The following HECTD4 variants were observed in gnomAD, a reference collection of about 807,000 sequenced individuals.
The protein encoded by HECTD4 is probable E3 ubiquitin-protein ligase HECTD4.
In HECTD4, 114 loss-of-function variants were observed where a neutral mutation model predicts 471.5. That is an observed-to-expected ratio of 0.24 (90% CI 0.21 to 0.28). HECTD4 has a LOEUF of 0.28. HECTD4 is among the 10% of genes least tolerant of loss of function. The pLI is 1.00. For missense variants in HECTD4, 3,866 were observed against 5,651.5 expected (o/e 0.68, Z 10.13); for synonymous variants, 2,012 against 2,256.0 (o/e 0.89, Z 3.07).
At chr12:112,320,391 G>A (rs2035560399) in intron 1 of HECTD4, among the ~76,000 whole-genome samples, 1 of 150,640 alleles carries the variant, frequency 6.6e-6, no homozygotes, top group Admixed American at 6.6e-5. Flanking sequence ...TTTAGTAAAT[G>A]ATCTTGAGTT....
At chr12:112,370,062 G>A (rs80156114) in intron 1 of HECTD4, among the ~76,000 whole-genome samples, 1 of 152,244 alleles carries the variant, frequency 6.6e-6, no homozygotes, top group African/African-American at 2.4e-5. Context: ...TATCTGGGTG[G>A]GCCCTAAATG....
At chr12:112,266,031 A>G in intron 14 of HECTD4, 48 bp from the exon 15 acceptor site, 1 of 1,281,646 alleles carries the variant, frequency 7.8e-7, no homozygotes, top group Non-Finnish European at 1.1e-6. Flanking sequence ...TGACTCCTAG[A>G]ATACTGATGC....
At chr12:112,220,758 C>T (rs1297075062) in intron 44 of HECTD4, among the ~76,000 whole-genome samples, 5 of 152,082 alleles carry the variant, frequency 3.3e-5, no homozygotes, top group Admixed American at 2.0e-4. Flanking sequence ...CATCATGCCA[C>T]TGCATTCCAG....
chr12:112,313,082 G>A lies in HECTD4; in HGVS notation c.851C>T (p.Ser284Leu). ...SCLLGGKHIVSWGYEDMLPAP... is the reference protein window; with the variant it reads ...SCLLGGKHIVLWGYEDMLPAP... Reference sequence around the variant, plus strand: ...AGGCAACATGTCTTCATAACCCCATGATACTATGTGTTTGCCCCCAAGCAA... The same window carrying A: ...AGGCAACATGTCTTCATAACCCCATAATACTATGTGTTTGCCCCCAAGCAA... Residue 284 changes from serine (S) to leucine (L), a missense_variant, in exon 4 of 76, where the codon TCA becomes TTA. Ser to Leu is a moderately radical substitution (Grantham distance 145). Transcript: ENST00000682272. 6.5e-7 allele frequency: 1 copy of A among 1,535,752 alleles called. No homozygotes were observed. The highest frequency in any genetic ancestry group is 8.7e-7 in the Non-Finnish European group (1 of 1,146,690).
intron 14 of HECTD4, 22 bp from the exon 15 acceptor site, chr12:112,266,005 T>A (rs765886096): frequency 6.6e-7 from 1 of 1,525,274 alleles, no homozygotes; most frequent in Non-Finnish European, 9.1e-7. Flanking sequence ...GAAAGCTCCA[T>A]CAACTACCCT....
chr12:112,282,013 A>G (rs2034652985), intron 8 of HECTD4, among the ~76,000 whole-genome samples: 1 of 152,124 alleles, frequency 6.6e-6, no homozygotes, highest in Admixed American at 6.5e-5. Context: ...ATATAAAATG[A>G]TATCTAAAAC....
chr12:112,324,041 C>T (rs71442747), intron 1 of HECTD4, among the ~76,000 whole-genome samples: 4,304 of 16,878 alleles, frequency 0.26, 1,108 homozygotes, highest in East Asian at 0.83. Flanking sequence ...TTCCTTCCTT[C>T]CTTCCTTTCT....
rs1378100294 is a variant in HECTD4 at position 112,198,230 on chromosome 12, C to A, written c.8567+2408G>T. 2.6e-5 allele frequency among the ~76,000 whole-genome samples: 4 copies of A among 152,288 alleles called. No homozygotes were observed. The South Asian group carries it at 8.3e-4, about 32-fold the overall frequency. On this transcript the variant is annotated intron_variant, in intron 55 of 75. Transcript: ENST00000682272. ...AATACTGTAGTTTCCTGACAAAGAG[C>A]GCATGGACAGTCACCTTAGATGGTG...
chr12:112,334,637 CAAAA>C (rs869292531), intron 1 of HECTD4, among the ~76,000 whole-genome samples: 3 of 45,262 alleles, frequency 6.6e-5, no homozygotes, highest in East Asian at 1.3e-3. Flanking sequence ...ACTAAAAATA[CAAAA>C]AAAAAAAAAA....
At chr12:112,325,915 G>C (rs1176461160) in intron 1 of HECTD4, among the ~76,000 whole-genome samples, 1 of 151,376 alleles carries the variant, frequency 6.6e-6, no homozygotes, top group Non-Finnish European at 1.5e-5. Flanking sequence ...TGCAGCCTGA[G>C]CCTCTCAAGT....
chr12:112,350,610 T>G (rs2036233683), intron 1 of HECTD4, among the ~76,000 whole-genome samples: 1 of 152,188 alleles, frequency 6.6e-6, no homozygotes. Flanking sequence ...CAAGTTTTAG[T>G]GTTCTTGGAT....
chr12:112,199,664 C>G (rs548478526), intron 55 of HECTD4, among the ~76,000 whole-genome samples: 13 of 152,252 alleles, frequency 8.5e-5, no homozygotes, highest in African/African-American at 3.1e-4. Flanking sequence ...GGAGCTTTGC[C>G]AGATCTTTAG....
chr12:112,212,580 G>A lies in HECTD4; in HGVS notation c.7536C>T (p.Gly2512=). ...GCCCGCAGTATGTGAAGTACACCCG[G>A]CCCTTGGCTGGCTGTCCCGGAGGAG... The part of the protein sequence containing the change: ...TPPPPGQPAK[G]RVYFTYCGQR... Residue 2512 remains glycine, a synonymous_variant, in exon 49 of 76, where the codon GGC becomes GGT. Transcript: ENST00000682272. 1.9e-6 allele frequency: 3 copies of A among 1,613,788 alleles called. No homozygotes were observed. The highest frequency in any genetic ancestry group is 2.5e-6 in the Non-Finnish European group (3 of 1,179,810).
rs1166185980 is a variant in HECTD4, at chr12:112,173,969, T to C, written c.11595-1108A>G. Among the ~76,000 whole-genome samples, 1 of 152,050 alleles carries C rather than the reference T, an allele frequency of 6.6e-6. No individual in the cohort carries two copies. Among genetic ancestry groups the C allele is most frequent in the Non-Finnish European group, 1.5e-5 (1 of 68,000 alleles). ...AAAAAGCATGTTTTGGTAGCCATTTTCTTTCCTTTTCTTTTTTTTTTTTTT... is the reference window on the plus strand; with the variant it reads ...AAAAAGCATGTTTTGGTAGCCATTTCCTTTCCTTTTCTTTTTTTTTTTTTT... On this transcript the variant is annotated intron_variant, in intron 66 of 75. Transcript: ENST00000682272. The surrounding 1 kb of genome is among the most constrained non-coding windows in gnomAD (Gnocchi z 4.3).
At position 112,162,810 on chromosome 12, in the gene HECTD4, G is replaced by A; in HGVS notation, c.13120+232C>T. On this transcript the variant is annotated intron_variant, in intron 75 of 75. Transcript: ENST00000682272. The surrounding 1 kb of genome is among the most constrained non-coding windows in gnomAD (Gnocchi z 5.2). ...ACCATTTTTCTGCATTTAAAAGTTA[G>A]AAGATTTGAAGCATTCTGGATTTTC... 1.8e-6 allele frequency: 1 copy of A among 548,460 alleles called. No homozygotes were observed. Among genetic ancestry groups the A allele is most frequent in the Non-Finnish European group, 3.2e-6 (1 of 313,096 alleles). 34.0% of individuals were successfully genotyped at this position (548,460 alleles called of 1,614,324 possible).
intron 13 of HECTD4, 100 bp downstream of exon 13, chr12:112,269,604 G>T: frequency 7.9e-7 from 1 of 1,268,552 alleles, no homozygotes. Flanking sequence ...TTGTGGGATG[G>T]GGTAAGAGGC....
chr12:112,369,426 C>T (rs938397969), intron 1 of HECTD4, among the ~76,000 whole-genome samples: 1 of 151,082 alleles, frequency 6.6e-6, no homozygotes. Flanking sequence ...ACTACAACCT[C>T]CGCCTCTGAG....
At chr12:112,212,033 C>T (rs2032778210) in intron 49 of HECTD4, among the ~76,000 whole-genome samples, 1 of 152,114 alleles carries the variant, frequency 6.6e-6, no homozygotes, top group Non-Finnish European at 1.5e-5. Context: ...TTAATAGATG[C>T]CCCTTAAGAA....
intron 39 of HECTD4, chr12:112,231,246 A>T: frequency 1.9e-6 from 1 of 517,232 alleles, no homozygotes; most frequent in Non-Finnish European, 3.5e-6. Context: ...AGAGTTTATT[A>T]ATACTACTCA....
Sources: allele counts gnomAD v4.1 joint callset (sites outside exome capture counted in the v4.1 genomes callset), GRCh38; gene constraint gnomAD v4.1.1; non-coding constraint Gnocchi (gnomAD v3.1); transcripts MANE v1.5; gene names NCBI Gene and HGNC (gene_info 2026-07-23, HGNC 2026-07-21).